GALNTL6: variants seen among roughly 807,000 people sequenced by gnomAD.
GALNTL6 encodes the protein polypeptide N-acetylgalactosaminyltransferase like 6.
GALNTL6 carries 46 observed loss-of-function variants against 73.7 expected under a neutral mutation model. The ratio of observed to expected loss-of-function variants is 0.62; its 90% CI spans 0.49 to 0.80. The LOEUF (loss-of-function observed/expected upper bound fraction) is 0.80. Among genes scored for constraint, GALNTL6 ranks in the 30% least tolerant of loss-of-function variants. GALNTL6 has a pLI of 0.00. For synonymous variants in GALNTL6, 259 were observed against 263.7 expected, an observed-to-expected ratio of 0.98 and a Z score of 0.17; for missense variants, 604 against 755.0, an observed-to-expected ratio of 0.80 and a Z score of 2.34.
chr4:172,193,374 G>A (rs753558001), intron 2 of GALNTL6, among the ~76,000 whole-genome samples: 1 of 152,196 alleles, frequency 6.6e-6, no homozygotes, highest in Non-Finnish European at 1.5e-5. Flanking sequence ...TCCAGGTGCA[G>A]GAGGAACCCA....
chr4:172,264,556 AT>A (rs1669932849), intron 3 of GALNTL6, among the ~76,000 whole-genome samples: 1 of 386 alleles, frequency 2.6e-3, no homozygotes. Flanking sequence ...TATATGCCAA[AT>A]ATATATATAT....
chr4:172,569,969 AG>A (rs1266112420), intron 5 of GALNTL6, among the ~76,000 whole-genome samples: 1 of 152,188 alleles, frequency 6.6e-6, no homozygotes, highest in Non-Finnish European at 1.5e-5. Context: ...TAGTACCAGG[AG>A]GAAGGAGGGG....
chr4:172,780,161 T>C (rs980627007), intron 5 of GALNTL6, among the ~76,000 whole-genome samples: 16 of 152,138 alleles, frequency 1.1e-4, no homozygotes, highest in African/African-American at 3.9e-4. Context: ...AGTGAAGCTC[T>C]GGAAAAAAGA....
intron 7 of GALNTL6, among the ~76,000 whole-genome samples, chr4:172,858,716 G>C (rs1176099931): frequency 6.6e-6 from 1 of 152,086 alleles, no homozygotes; most frequent in South Asian, 2.1e-4. Context: ...GCTGTCTACT[G>C]TTCCTGCTCA....
intron 3 of GALNTL6, among the ~76,000 whole-genome samples, chr4:172,299,963 TG>T (rs1260438686): frequency 1.3e-5 from 2 of 152,086 alleles, no homozygotes; most frequent in African/African-American, 4.8e-5. Context: ...ATGTTGACAG[TG>T]GGGTGTTAAA....
chr4:171,868,275 T>C (rs12503485), intron 2 of GALNTL6, among the ~76,000 whole-genome samples: 88,620 of 152,062 alleles, frequency 0.58, 27,048 homozygotes, highest in Non-Finnish European at 0.67. Context: ...AAGTGTGAGC[T>C]ACCTCTGAAG....
chr4:172,664,824 A>G (rs1383096152), intron 5 of GALNTL6, among the ~76,000 whole-genome samples: 2 of 152,218 alleles, frequency 1.3e-5, no homozygotes, highest in African/African-American at 4.8e-5. Flanking sequence ...AATAACCAAA[A>G]TCAACTTCAA....
At chr4:171,896,997 C>A (rs183142577) in intron 2 of GALNTL6, among the ~76,000 whole-genome samples, 1 of 148,930 alleles carries the variant, frequency 6.7e-6, no homozygotes, top group Non-Finnish European at 1.5e-5. Context: ...AATAATAGAC[C>A]GCAATCCAAT....
At chr4:172,721,184 A>G (rs1294674460) in intron 5 of GALNTL6, among the ~76,000 whole-genome samples, 1 of 152,206 alleles carries the variant, frequency 6.6e-6, no homozygotes, top group Non-Finnish European at 1.5e-5. Flanking sequence ...CTTATTAGTC[A>G]ATAATAACAT....
intron 2 of GALNTL6, among the ~76,000 whole-genome samples, chr4:171,863,279 A>G (rs1238837061): frequency 1.3e-5 from 2 of 152,222 alleles, no homozygotes; most frequent in Non-Finnish European, 2.9e-5. Context: ...CATATTTTTT[A>G]TGATCAATGT....
At chr4:171,843,113 T>C (rs1560809928) in intron 2 of GALNTL6, among the ~76,000 whole-genome samples, 2 of 152,168 alleles carry the variant, frequency 1.3e-5, no homozygotes, top group South Asian at 4.1e-4. Context: ...GCTAGAATGA[T>C]GGAATAATAA....
intron 2 of GALNTL6, among the ~76,000 whole-genome samples, chr4:172,149,820 C>A (rs1579185931): frequency 2.0e-5 from 3 of 152,124 alleles, no homozygotes; most frequent in Admixed American, 1.3e-4. Flanking sequence ...CTGTCCATAC[C>A]CTTCTCATGG....
At chr4:172,801,208 C>T (rs1740620207) in intron 5 of GALNTL6, among the ~76,000 whole-genome samples, 1 of 152,134 alleles carries the variant, frequency 6.6e-6, no homozygotes, top group South Asian at 2.1e-4. Context: ...AATTAATTAG[C>T]TGAAGTAAAA....
chr4:172,460,614 A>G (rs962322265), intron 5 of GALNTL6, among the ~76,000 whole-genome samples: 2 of 152,246 alleles, frequency 1.3e-5, no homozygotes, highest in African/African-American at 4.8e-5. Flanking sequence ...ACATATGACA[A>G]AAAGCTTATC....
chr4:172,041,208 C>T (rs879384994), intron 2 of GALNTL6, among the ~76,000 whole-genome samples: 9 of 152,018 alleles, frequency 5.9e-5, no homozygotes, highest in Non-Finnish European at 1.2e-4. Context: ...AACTTTGACA[C>T]TCACAATAGC....
Position 173,036,530 on chromosome 4 carries a change from T to C in GALNTL6, c.1639-3403T>C, listed in dbSNP as rs1450058186. On this transcript the variant is annotated intron_variant, in intron 12 of 12. Transcript: ENST00000506823. ...CTGGCATTGAGCATTGATTAGGAAGTAGTCCTGGATTCAAACTTTTGCATT... is the reference window on the plus strand; with the variant it reads ...CTGGCATTGAGCATTGATTAGGAAGCAGTCCTGGATTCAAACTTTTGCATT... 2.6e-5 allele frequency among the ~76,000 whole-genome samples: 4 copies of C among 152,202 alleles called. 1 individual carries two copies. The East Asian group carries it at 7.7e-4, about 29-fold the overall frequency.
intron 2 of GALNTL6, among the ~76,000 whole-genome samples, chr4:171,909,151 T>G (rs969118118): frequency 2.5e-5 from 3 of 118,470 alleles, no homozygotes; most frequent in African/African-American, 9.7e-5. Context: ...TAATAATAAA[T>G]AAATAAATAA....
intron 7 of GALNTL6, among the ~76,000 whole-genome samples, chr4:172,834,819 G>A (rs1292935343): frequency 6.6e-6 from 1 of 152,234 alleles, no homozygotes; most frequent in African/African-American, 2.4e-5. Context: ...AGGGAGAAAT[G>A]GTGATATGAG....
At chr4:172,145,616 G>C (rs956434816) in intron 2 of GALNTL6, among the ~76,000 whole-genome samples, 1 of 152,012 alleles carries the variant, frequency 6.6e-6, no homozygotes, top group East Asian at 1.9e-4. Flanking sequence ...TGTTTTACTA[G>C]TATCCATCTA....
Sources: gnomAD v4.1 joint callset for allele counts (sites outside exome capture counted in the v4.1 genomes callset) on GRCh38, gnomAD v4.1.1 for gene constraint, MANE v1.5 for transcripts, NCBI Gene and HGNC (gene_info 2026-07-23, HGNC 2026-07-21) for gene names.